Variants in ZNF558 observed in about 807,000 individuals in gnomAD.
ZNF558 encodes the protein zinc finger protein 558.
Under a neutral mutation model 37.6 loss-of-function variants are expected in ZNF558, and 23 were observed. The ratio of observed to expected loss-of-function variants is 0.61; its 90% CI spans 0.44 to 0.87. The LOEUF (loss-of-function observed/expected upper bound fraction) is 0.87. Ranked by LOEUF, ZNF558 falls within the 40% of genes least tolerant of loss-of-function variation. The pLI is 0.00. For missense variants in ZNF558, 429 were observed against 483.7 expected (o/e 0.89, Z 1.06); for synonymous variants, 189 against 174.4 (o/e 1.08, Z -0.66).
At position 8,808,945 on chromosome 19, in the gene ZNF558, A is replaced by G. The variant is rs2043726808; in HGVS notation, c.*2336T>C. ...CAGGTGTGCACCACCACACCCAGCT[A>G]ATCTTTATACTTTTAGTAGAGATAG... On this transcript the variant is annotated 3_prime_UTR_variant, in exon 10 of 10. Coordinates refer to ENST00000601372, the MANE Select transcript of ZNF558 (RefSeq NM_144693.3). 1 of 151,992 alleles carries G rather than the reference A, an allele frequency of 6.6e-6. No homozygotes were observed. The highest frequency in any genetic ancestry group is 2.4e-5 in the African/African-American group (1 of 41,386). 9.4% of individuals were successfully genotyped at this position (151,992 alleles called of 1,614,324 possible).
rs1005019796 is a variant in ZNF558, at chr19:8,810,813, T to C, written c.*468A>G. 6.4e-5 allele frequency: 10 copies of C among 156,230 alleles called. No individual in the cohort carries two copies. The highest frequency in any genetic ancestry group is 2.4e-4 in the African/African-American group (10 of 41,592). The allele number at this position is 156,230 out of a possible 1,614,324, so 9.7% of individuals were successfully genotyped here. ...TAGCAGTCCTCCTGAGGATAGGTCA[T>C]AAAAGCCATTTTGGCCTCTGTATTG... On this transcript the variant is annotated 3_prime_UTR_variant, in exon 10 of 10. Transcript: ENST00000601372.
At position 8,808,744 on chromosome 19, in the gene ZNF558, T is replaced by C. The variant is rs558081578; in HGVS notation, c.*2537A>G. The C allele has an allele frequency of 3.8e-4, 58 of 152,296 alleles. No individual in the cohort carries two copies. Among genetic ancestry groups the C allele is most frequent in the African/African-American group, 1.4e-3 (57 of 41,578 alleles). 9.4% of individuals were successfully genotyped at this position (152,296 alleles called of 1,614,324 possible). ...CCTCAAAAACAAACAACAGATCATGTTGGCTTCAATCAGTTAGGGGTTTCT... is the reference window on the plus strand; with the variant it reads ...CCTCAAAAACAAACAACAGATCATGCTGGCTTCAATCAGTTAGGGGTTTCT... On this transcript the variant is annotated 3_prime_UTR_variant, in exon 10 of 10. Transcript: ENST00000601372.
intron 6 of ZNF558, chr19:8,821,765 T>C (rs900461540): frequency 6.7e-6 from 9 of 1,352,920 alleles, no homozygotes; most frequent in African/African-American, 1.5e-5. Flanking sequence ...TGGCTTTCCC[T>C]TAAAACTCTC....
chr19:8,834,612 A>C (rs1055174912), upstream of ZNF558, among the ~76,000 whole-genome samples: 3 of 151,584 alleles, frequency 2.0e-5, no homozygotes, highest in African/African-American at 7.3e-5. Context: ...ATCAAAAAAA[A>C]AAAACAAACC....
intron 2 of ZNF558, among the ~76,000 whole-genome samples, chr19:8,828,214 A>AAAC (rs2044275256): frequency 6.6e-6 from 1 of 152,186 alleles, no homozygotes; most frequent in South Asian, 2.1e-4. Context: ...TAGTAACCTA[A>AAAC]AACAACAGCC....
At chr19:8,828,769 C>A (rs2044286706) in intron 2 of ZNF558, among the ~76,000 whole-genome samples, 1 of 152,040 alleles carries the variant, frequency 6.6e-6, no homozygotes, top group South Asian at 2.1e-4. Flanking sequence ...TGAGGCCAAC[C>A]TGGCTAACAT....
At position 8,826,564 on chromosome 19, in the gene ZNF558, A is replaced by G. The variant is rs118132795; in HGVS notation, c.-508-1456T>C. 6.5e-3 allele frequency among the ~76,000 whole-genome samples: 986 copies of G among 152,192 alleles called. 10 individuals carry two copies. Among genetic ancestry groups the G allele is most frequent in the Middle Eastern group, 0.048 (14 of 294 alleles). Reference sequence around the variant, plus strand: ...AATCGAATGCTGCCACTGATCGGCCAGGAGGTGGAGCTCAGGTGGTAATGC... The same window carrying G: ...AATCGAATGCTGCCACTGATCGGCCGGGAGGTGGAGCTCAGGTGGTAATGC... On this transcript the variant is annotated intron_variant, in intron 2 of 9. Coordinates refer to ENST00000601372, the MANE Select transcript of ZNF558 (RefSeq NM_144693.3).
At chr19:8,835,792 G>A (rs991857010), upstream of ZNF558, among the ~76,000 whole-genome samples, 2 of 152,160 alleles carry the variant, frequency 1.3e-5, no homozygotes, top group Non-Finnish European at 2.9e-5. Context: ...GTCAACTGAT[G>A]AATGGATAAA....
intron 7 of ZNF558, among the ~76,000 whole-genome samples, chr19:8,817,757 T>C (rs1466736010): frequency 6.6e-6 from 1 of 152,202 alleles, no homozygotes; most frequent in Admixed American, 6.5e-5. Context: ...GACATTATAG[T>C]TGTATAAAGC....
At chr19:8,833,110 G>T (rs1190926542), upstream of ZNF558, 1 of 152,476 alleles carries the variant, frequency 6.6e-6, no homozygotes, top group Admixed American at 6.5e-5. Context: ...TGAATAAAAG[G>T]GTGTATGATG....
intron 2 of ZNF558, among the ~76,000 whole-genome samples, chr19:8,826,757 C>G (rs1023961605): frequency 6.6e-6 from 1 of 152,182 alleles, no homozygotes; most frequent in East Asian, 1.9e-4. Flanking sequence ...TGACCTCCAG[C>G]AAGGCAAGAG....
chr19:8,821,549 C>T (rs2044091180), intron 6 of ZNF558: 2 of 1,420,502 alleles, frequency 1.4e-6, no homozygotes, highest in African/African-American at 1.4e-5. Context: ...TCTCCTTAGG[C>T]CATTCCCAGG....
Position 8,809,365 on chromosome 19 carries a change from G to A in ZNF558, c.*1916C>T, listed in dbSNP as rs1395299611. On this transcript the variant is annotated 3_prime_UTR_variant, in exon 10 of 10. Coordinates refer to ENST00000601372, the MANE Select transcript of ZNF558 (RefSeq NM_144693.3). ...TTGCCAGGGGAGTGCGAAAAAACCC[G>A]CCTGGGCTTCAGGAAAAACTATAAG... The A allele has an allele frequency of 3.9e-5, 6 of 152,268 alleles. No homozygotes were observed. In the East Asian group the frequency reaches 5.8e-4, roughly 15 times the overall value. 9.4% of individuals were successfully genotyped at this position (152,268 alleles called of 1,614,324 possible).
In ZNF558 at chr19:8,806,569, C is replaced by T. The variant is rs1167334334; in HGVS notation, c.*4712G>A. ...CAAAAATTAGCTGGGCGTGGTAGCA[C>T]ACACCTGTAGTCCCAGCTACTCAGG... On this transcript the variant is annotated 3_prime_UTR_variant, in exon 10 of 10. Coordinates refer to ENST00000601372, the MANE Select transcript of ZNF558 (RefSeq NM_144693.3). 6.6e-6 allele frequency: 1 copy of T among 151,982 alleles called. No homozygotes were observed. The highest frequency in any genetic ancestry group is 1.5e-5 in the Non-Finnish European group (1 of 68,046). The allele number at this position is 151,982 out of a possible 1,614,324, so 9.4% of individuals were successfully genotyped here. A position where few individuals can be genotyped will look rare whatever the true frequency, so the allele number is the denominator to read the frequency against.
intron 1 of ZNF558, chr19:8,831,943 CCA>C (rs1156691724): frequency 1.3e-5 from 2 of 152,274 alleles, no homozygotes; most frequent in African/African-American, 4.8e-5. Flanking sequence ...TTTGTGAAAA[CCA>C]CAGTCGTCTC....
At position 8,811,417 on chromosome 19, in the gene ZNF558, T is replaced by C. The variant is rs1555767891; in HGVS notation, c.1073A>G (p.Asn358Ser). The C allele has an allele frequency of 3.7e-6, 6 of 1,613,952 alleles. No individual in the cohort carries two copies. The highest frequency in any genetic ancestry group is 5.1e-6 in the Non-Finnish European group (6 of 1,179,958). The stretch of plus-strand genomic sequence containing the variant: ...GTGTTTCTTCACAGCTGAGAGATTA[T>C]TAAAGGCTTTTCCACAGTCACTGCA... ...YECSDCGKAF[N>S]NLSAVKKHLR... Residue 358 changes from asparagine to serine, a missense_variant, in exon 10 of 10, where the codon AAT (asparagine) becomes AGT (serine). By Grantham distance (46) the Asn-to-Ser change is conservative. Coordinates refer to ENST00000601372, the MANE Select transcript of ZNF558 (RefSeq NM_144693.3).
chr19:8,830,306 A>C (rs1039777358), intron 2 of ZNF558, among the ~76,000 whole-genome samples: 4 of 152,160 alleles, frequency 2.6e-5, no homozygotes, highest in African/African-American at 7.2e-5. Flanking sequence ...TATTTATAGC[A>C]GTGTGAAAAC....
At chr19:8,821,347 CCCA>C (rs1254040760) in intron 6 of ZNF558, 41 bp from the exon 7 acceptor site, 1 of 1,614,022 alleles carries the variant, frequency 6.2e-7, no homozygotes, top group Non-Finnish European at 8.5e-7. Context: ...AAGGACCACC[CCCA>C]CCAACGTGCA....
Position 8,811,981 on chromosome 19 carries a change from T to C in ZNF558, c.509A>G (p.His170Arg). Residue 170 changes from histidine to arginine, a missense_variant, in exon 10 of 10, where the codon CAC becomes CGC. His to Arg is a conservative substitution (Grantham distance 29). Coordinates refer to ENST00000601372, the MANE Select transcript of ZNF558 (RefSeq NM_144693.3). ...TTTTTCTCCAGTATGAATTCTCTTGTGCTGAGTTAGGTTAGATTTCGTGCT... is the reference window on the plus strand; with the variant it reads ...TTTTTCTCCAGTATGAATTCTCTTGCGCTGAGTTAGGTTAGATTTCGTGCT... ...VFSTKSNLTQ[H>R]KRIHTGEKPY... The C allele has an allele frequency of 6.2e-7, 1 of 1,614,102 alleles. No individual in the cohort carries two copies. The highest frequency in any genetic ancestry group is 8.5e-7 in the Non-Finnish European group (1 of 1,179,990).
Sources: allele counts gnomAD v4.1 joint callset (sites outside exome capture counted in the v4.1 genomes callset), GRCh38; gene constraint gnomAD v4.1.1; transcripts MANE v1.5; gene names NCBI Gene and HGNC (gene_info 2026-07-23, HGNC 2026-07-21).